The following BCAT1 variants were observed in gnomAD, a reference collection of about 807,000 sequenced individuals.
The protein encoded by BCAT1 is branched chain amino acid transaminase 1.
In BCAT1, 48 loss-of-function variants were observed where a neutral mutation model predicts 52.4. The ratio of observed to expected loss-of-function variants is 0.92; its 90% CI spans 0.73 to 1.16. The LOEUF is 1.16. Ranked by LOEUF, BCAT1 falls within the 50% of genes most tolerant of loss-of-function variation. The pLI is 0.00. For missense variants in BCAT1, 451 were observed against 457.1 expected (o/e 0.99, Z 0.12); for synonymous variants, 167 against 161.3 (o/e 1.04, Z -0.27).
chr12:24,865,281 A>G (rs1216866414), intron 5 of BCAT1, among the ~76,000 whole-genome samples: 1 of 152,234 alleles, frequency 6.6e-6, no homozygotes, highest in African/African-American at 2.4e-5. Context: ...AAACAAAAAA[A>G]GACTTCTTTC....
chr12:24,876,714 C>A (rs1942355712), intron 5 of BCAT1, among the ~76,000 whole-genome samples: 1 of 152,024 alleles, frequency 6.6e-6, no homozygotes, highest in African/African-American at 2.4e-5. Context: ...AAAAGAAAAC[C>A]AAACACTGCA....
intron 5 of BCAT1, among the ~76,000 whole-genome samples, chr12:24,860,925 A>T (rs142173653): frequency 2.3e-4 from 35 of 152,360 alleles, no homozygotes; most frequent in Middle Eastern, 3.4e-3. Context: ...GAACAAAGTT[A>T]CATCAAAGTC....
In BCAT1 at chr12:24,810,087, G is replaced by A. The variant is rs373551047; in HGVS notation, c.*7921C>T. 2 of 152,170 alleles carry A rather than the reference G, an allele frequency of 1.3e-5. No homozygotes were observed. Among genetic ancestry groups the A allele is most frequent in the African/African-American group, 4.8e-5 (2 of 41,432 alleles). 9.4% of individuals were successfully genotyped at this position (152,170 alleles called of 1,614,324 possible). On this transcript the variant is annotated 3_prime_UTR_variant, in exon 11 of 11. Transcript: ENST00000261192. ...TTTTCAGAATCCCTAGTGGCTTAGT[G>A]ACAAAGACCTTTGGAGAGAATGATC...
chr12:24,836,853 AAAGG>A (rs1388945477), intron 7 of BCAT1, among the ~76,000 whole-genome samples: 13 of 135,950 alleles, frequency 9.6e-5, no homozygotes, highest in African/African-American at 2.2e-4. Flanking sequence ...AGAGAGAAAG[AAAGG>A]AAGGAAGGAA....
intron 5 of BCAT1, among the ~76,000 whole-genome samples, chr12:24,864,288 G>A (rs895258253): frequency 1.5e-4 from 23 of 152,244 alleles, no homozygotes; most frequent in African/African-American, 4.8e-4. Context: ...TGGCTCAGTT[G>A]ACTAGGCCTC....
In BCAT1 at chr12:24,814,802, G is replaced by GTTTTTTTT. The variant is rs796259272; in HGVS notation, c.*3198_*3205dup. The GTTTTTTTT allele has an allele frequency of 1.8e-5, 1 of 56,846 alleles. No homozygotes were observed. The highest frequency in any genetic ancestry group is 3.9e-5 in the Non-Finnish European group (1 of 25,590). The allele number at this position is 56,846 out of a possible 1,614,324, so 3.5% of individuals were successfully genotyped here. On this transcript the variant is annotated 3_prime_UTR_variant, in exon 11 of 11. Transcript: ENST00000261192. The stretch of plus-strand genomic sequence containing the variant: ...CTACTGCCTGCCTCTGCCTCTGTTT[G>GTTTTTTTT]TTTTTTTTTTTTTTTTTTGTCTTAC...
At chr12:24,886,971 G>A (rs1025806879) in intron 3 of BCAT1, among the ~76,000 whole-genome samples, 1 of 146,616 alleles carries the variant, frequency 6.8e-6, no homozygotes, top group Non-Finnish European at 1.5e-5. Flanking sequence ...GCTGAGGCAG[G>A]AGAATCGCTT....
At chr12:24,926,271 C>T (rs139640201) in intron 1 of BCAT1, among the ~76,000 whole-genome samples, 24,165 of 151,956 alleles carry the variant, frequency 0.16, 2,450 homozygotes, top group Non-Finnish European at 0.22. Context: ...CCCCTCCACC[C>T]GGCAGCCGCC....
chr12:24,824,353 C>G (rs1427793274), intron 10 of BCAT1, among the ~76,000 whole-genome samples: 1 of 150,188 alleles, frequency 6.7e-6, no homozygotes, highest in East Asian at 2.0e-4. Context: ...GAGTGGAGTG[C>G]TGTGGCACAA....
intron 8 of BCAT1, among the ~76,000 whole-genome samples, chr12:24,833,475 C>G (rs867317581): frequency 6.6e-6 from 1 of 152,058 alleles, no homozygotes; most frequent in African/African-American, 2.4e-5. Context: ...ACCAAGATCA[C>G]GTCACTGCAG....
rs1223473072 is a variant in BCAT1 at position 24,824,260 on chromosome 12, TTCCTTCATTCCCTCCC to T, written c.1119+5547_1119+5562del. On this transcript the variant is annotated intron_variant, in intron 10 of 10. Transcript: ENST00000261192. ...CTTCCTTCCTTCCTTCCTTCCTTCC[TTCCTTCATTCCCTCCC>T]TCCCTCCCTCCCTCCCTCCCTCCCT... Among the ~76,000 whole-genome samples the T allele has an allele frequency of 3.6e-4, 52 of 146,036 alleles. 1 individual carries two copies. The highest frequency in any genetic ancestry group is 6.9e-3 in the Middle Eastern group (2 of 290).
At chr12:24,885,679 A>T (rs1942643065) in intron 3 of BCAT1, among the ~76,000 whole-genome samples, 1 of 152,232 alleles carries the variant, frequency 6.6e-6, no homozygotes, top group Non-Finnish European at 1.5e-5. Context: ...AGAAACCAAG[A>T]CTGTGGCATT....
chr12:24,878,144 C>CA (rs923772069), intron 5 of BCAT1, among the ~76,000 whole-genome samples: 781 of 70,470 alleles, frequency 0.011, 7 homozygotes, highest in African/African-American at 0.033. Flanking sequence ...ACAACGTGGG[C>CA]AAAAAAAAAA....
intron 5 of BCAT1, among the ~76,000 whole-genome samples, chr12:24,854,180 C>T (rs573841484): frequency 6.6e-6 from 1 of 152,216 alleles, no homozygotes; most frequent in South Asian, 2.1e-4. Flanking sequence ...TATCAAAAGG[C>T]AGGATTTCAG....
Position 24,837,591 on chromosome 12 carries a change from TA to T in BCAT1, c.818-996del, listed in dbSNP as rs369781518. 7.2e-5 allele frequency among the ~76,000 whole-genome samples: 11 copies of T among 152,102 alleles called. No individual in the cohort carries two copies. In the East Asian group the frequency reaches 1.7e-3, roughly 24 times the overall value. ...ACAGGTACGCGCCACCACGCCTGGC[TA>T]ATTTTTGTATTTTTAGTAGAGACGG... On this transcript the variant is annotated intron_variant, in intron 7 of 10. Transcript: ENST00000261192.
intron 5 of BCAT1, among the ~76,000 whole-genome samples, chr12:24,874,366 G>A (rs1386937752): frequency 6.6e-6 from 1 of 152,110 alleles, no homozygotes; most frequent in Non-Finnish European, 1.5e-5. Context: ...TATAAAACAT[G>A]TAAAGAGACA....
At chr12:24,917,087 A>C (rs1005564773) in intron 1 of BCAT1, among the ~76,000 whole-genome samples, 2 of 152,166 alleles carry the variant, frequency 1.3e-5, no homozygotes, top group Non-Finnish European at 2.9e-5. Flanking sequence ...AACCCTTTAA[A>C]ATAGTAATTT....
intron 1 of BCAT1, among the ~76,000 whole-genome samples, chr12:24,908,772 A>G (rs1230310241): frequency 6.6e-6 from 1 of 152,222 alleles, no homozygotes. Flanking sequence ...AAATTTTTTC[A>G]AATGTAAATA....
At chr12:24,877,822 T>C (rs548778079) in intron 5 of BCAT1, among the ~76,000 whole-genome samples, 3 of 152,334 alleles carry the variant, frequency 2.0e-5, no homozygotes, top group South Asian at 4.1e-4. Context: ...ATTTATGTGC[T>C]GTCTATGGCT....
Sources: allele counts gnomAD v4.1 joint callset (sites outside exome capture counted in the v4.1 genomes callset), GRCh38; gene constraint gnomAD v4.1.1; transcripts MANE v1.5; gene names NCBI Gene and HGNC (gene_info 2026-07-23, HGNC 2026-07-21).